Variants in ACBD5 observed in about 807,000 individuals in gnomAD.
ACBD5 encodes the protein acyl-CoA binding domain containing 5, also known as acyl-CoA-binding domain-containing protein 5.
ACBD5 carries 40 observed loss-of-function variants against 71.8 expected under a neutral mutation model. The ratio of observed to expected loss-of-function variants is 0.56; its 90% CI spans 0.43 to 0.72. ACBD5 has a LOEUF of 0.72. ACBD5 is among the 30% of genes least tolerant of loss of function. The pLI is 0.00. For synonymous variants in ACBD5, 229 were observed against 218.6 expected (o/e 1.05, Z -0.42); for missense variants, 559 against 644.5 (o/e 0.87, Z 1.44).
chr10:27,189,724 C>T (rs1342142010), intron 13 of ACBD5, among the ~76,000 whole-genome samples: 1 of 150,982 alleles, frequency 6.6e-6, no homozygotes, highest in African/African-American at 2.4e-5. Flanking sequence ...ATGTAACAAA[C>T]CTGCACGTTG....
In ACBD5 at chr10:27,195,446, G is replaced by A. The variant is rs1564529212; in HGVS notation, c.*1984C>T. 1 of 454,326 alleles carries A rather than the reference G, an allele frequency of 2.2e-6. No homozygotes were observed. The highest frequency in any genetic ancestry group is 4.4e-6 in the Non-Finnish European group (1 of 226,778). The allele number at this position is 454,326 out of a possible 1,614,324, so 28.1% of individuals were successfully genotyped here. A position where few individuals can be genotyped will look rare whatever the true frequency, so the allele number is the denominator to read the frequency against. ...AGGATAGAAATGGTTATCCCTAGGA[G>A]TTAGTTATCCCAGACTGCTTGTAAT... On this transcript the variant is annotated 3_prime_UTR_variant, in exon 13 of 13. Coordinates refer to ENST00000396271, the MANE Select transcript of ACBD5 (RefSeq NM_145698.5).
chr10:27,239,694 T>A (rs777518172), intron 2 of ACBD5, among the ~76,000 whole-genome samples: 5 of 152,214 alleles, frequency 3.3e-5, no homozygotes, highest in Non-Finnish European at 5.9e-5. Context: ...CTTAAGCTGG[T>A]AGACCCTATG....
chr10:27,240,333 C>G lies in ACBD5; in HGVS notation c.167G>C (p.Ser56Thr). ...AGCGCACGTACCATTCTTCGGCAAACTCTGGATCACCTTCACGGCCGCCTC... is the reference window on the plus strand; with the variant it reads ...AGCGCACGTACCATTCTTCGGCAAAGTCTGGATCACCTTCACGGCCGCCTC... Reference protein sequence around the residue: ...RFEAAVKVIQSLPKNGSFQPT... With the variant: ...RFEAAVKVIQTLPKNGSFQPT... Residue 56 changes from serine to threonine, a missense_variant, in exon 2 of 13, where the codon AGT (serine) becomes ACT (threonine). By Grantham distance (58) the Ser-to-Thr change is moderately conservative. Coordinates refer to ENST00000396271, the MANE Select transcript of ACBD5 (RefSeq NM_145698.5). The surrounding 1 kb of genome is among the most constrained non-coding windows in gnomAD (Gnocchi z 4.1). 1 of 1,614,100 alleles carries G rather than the reference C, an allele frequency of 6.2e-7. No homozygotes were observed. The highest frequency in any genetic ancestry group is 1.3e-5 in the African/African-American group (1 of 75,016).
At chr10:27,235,953 T>TA (rs1301918981) in intron 2 of ACBD5, among the ~76,000 whole-genome samples, 3 of 151,606 alleles carry the variant, frequency 2.0e-5, no homozygotes, top group African/African-American at 7.3e-5. Context: ...TCTCTACAAA[T>TA]AAAAACAAAA....
chr10:27,197,418 AC>A lies in ACBD5; in HGVS notation c.*11del. The A allele has an allele frequency of 6.2e-7, 1 of 1,610,704 alleles. No homozygotes were observed. The highest frequency in any genetic ancestry group is 8.5e-7 in the Non-Finnish European group (1 of 1,177,818). ...AGTTCCAGTAGTCTTCTTGAGGAAA[AC>A]ACCATTTTCCTCAGTTCAGTTTTCT... On this transcript the variant is annotated 3_prime_UTR_variant, in exon 13 of 13. Transcript: ENST00000396271.
rs2059293696 is a variant in ACBD5 at position 27,195,379 on chromosome 10, T to A, written c.*2051A>T. On this transcript the variant is annotated 3_prime_UTR_variant, in exon 13 of 13. Transcript: ENST00000396271. ...TCTTTACTTTTATATACAAGAACTG[T>A]GTGCAAAGTGCTTTTCAAACTATAA... 2.2e-6 allele frequency: 1 copy of A among 454,358 alleles called. No individual in the cohort carries two copies. Among genetic ancestry groups the A allele is most frequent in the East Asian group, 6.9e-5 (1 of 14,410 alleles). The allele number at this position is 454,358 out of a possible 1,614,324, so 28.1% of individuals were successfully genotyped here. A position where few individuals can be genotyped will look rare whatever the true frequency, so the allele number is the denominator to read the frequency against.
intron 13 of ACBD5, among the ~76,000 whole-genome samples, chr10:27,185,752 A>G (rs2058679308): frequency 6.7e-6 from 1 of 148,228 alleles, no homozygotes; most frequent in Non-Finnish European, 1.5e-5. Flanking sequence ...GCACCACTAC[A>G]CTCCAGATTG....
chr10:27,216,503 T>C (rs1050848264), intron 7 of ACBD5, among the ~76,000 whole-genome samples: 1 of 152,158 alleles, frequency 6.6e-6, no homozygotes, highest in African/African-American at 2.4e-5. Flanking sequence ...CTCGAACTCC[T>C]GACCTCAGGT....
chr10:27,212,118 G>A (rs961160365), intron 8 of ACBD5, among the ~76,000 whole-genome samples: 1 of 152,180 alleles, frequency 6.6e-6, no homozygotes, highest in Non-Finnish European at 1.5e-5. Flanking sequence ...GGAGGCCAGG[G>A]TAGGCAGATC....
chr10:27,189,208 T>C (rs983746672), intron 13 of ACBD5, among the ~76,000 whole-genome samples: 3 of 152,200 alleles, frequency 2.0e-5, no homozygotes, highest in Non-Finnish European at 4.4e-5. Context: ...TCCTGTCATT[T>C]CTCTACAAAT....
intron 3 of ACBD5, 100 bp from the exon 4 acceptor site, chr10:27,231,920 G>C: frequency 8.7e-7 from 1 of 1,150,026 alleles, no homozygotes; most frequent in Non-Finnish European, 1.3e-6. Flanking sequence ...AATTAAAACA[G>C]GTTCTACTTA....
At chr10:27,186,681 CA>C in intron 13 of ACBD5, 1 of 784,302 alleles carries the variant, frequency 1.3e-6, no homozygotes, top group East Asian at 2.5e-5. Context: ...ACAGCTTTCA[CA>C]GAGTTAAAAG....
Position 27,240,557 on chromosome 10 carries a change from C to A in ACBD5, c.16-73G>T. The A allele has an allele frequency of 6.5e-7, 1 of 1,550,002 alleles. No homozygotes were observed. Among genetic ancestry groups the A allele is most frequent in the Non-Finnish European group, 8.7e-7 (1 of 1,145,616 alleles). The stretch of plus-strand genomic sequence containing the variant: ...GGCCCGGGAGCGAAGCGGGTCAGTT[C>A]CCCTTTGCCCTGCCCTATCCAGGCC... On this transcript the variant is annotated intron_variant, in intron 1 of 12. Transcript: ENST00000396271. This position sits in a 1 kb window ranked among gnomAD's most constrained non-coding sequence, Gnocchi z 4.1.
In ACBD5 at chr10:27,196,964, T is replaced by C. The variant is rs2059430435; in HGVS notation, c.*466A>G. On this transcript the variant is annotated 3_prime_UTR_variant, in exon 13 of 13. Coordinates refer to ENST00000396271, the MANE Select transcript of ACBD5 (RefSeq NM_145698.5). ...TGCCATGGCAACTCCGTGACTAAGA[T>C]ATAAAGTCGATTACATCTCATTTGA... 2.2e-6 allele frequency: 1 copy of C among 454,214 alleles called. No individual in the cohort carries two copies. The allele number at this position is 454,214 out of a possible 1,614,324, so 28.1% of individuals were successfully genotyped here.
At chr10:27,194,853 G>A (rs1020925580), downstream of ACBD5, among the ~76,000 whole-genome samples, 16 of 151,140 alleles carry the variant, frequency 1.1e-4, no homozygotes, top group African/African-American at 1.5e-4. Context: ...AAAATTAGCC[G>A]GGAGTGGTGG....
At chr10:27,218,838 G>A (rs1354136310) in intron 6 of ACBD5, among the ~76,000 whole-genome samples, 3 of 151,968 alleles carry the variant, frequency 2.0e-5, no homozygotes, top group Non-Finnish European at 2.9e-5. Context: ...TGCCCGCCTC[G>A]GCCTCCCAAA....
intron 2 of ACBD5, 129 bp from the exon 3 acceptor site, chr10:27,235,341 G>T: frequency 8.3e-7 from 1 of 1,204,252 alleles, no homozygotes. Flanking sequence ...TTTATTTCTA[G>T]CTTATAGAAA....
upstream of ACBD5, among the ~76,000 whole-genome samples, chr10:27,241,903 T>TG (rs1250256931): frequency 6.6e-6 from 1 of 151,538 alleles, no homozygotes; most frequent in Non-Finnish European, 1.5e-5. Flanking sequence ...GACTAGGTTG[T>TG]GGGGGGTGGA....
chr10:27,228,791 T>TTCTATATATATATATA (rs1306544829), intron 4 of ACBD5, among the ~76,000 whole-genome samples: 1 of 22,138 alleles, frequency 4.5e-5, no homozygotes, highest in South Asian at 1.6e-3. Context: ...CCTATTATGT[T>TTCTATATATATATATA]TATATATATA....
Sources: allele counts gnomAD v4.1 joint callset (sites outside exome capture counted in the v4.1 genomes callset), GRCh38; gene constraint gnomAD v4.1.1; non-coding constraint Gnocchi (gnomAD v3.1); transcripts MANE v1.5; gene names NCBI Gene and HGNC (gene_info 2026-07-23, HGNC 2026-07-21).